Variants in ROBO2 observed in about 807,000 individuals in gnomAD.
ROBO2 encodes the protein roundabout homolog 2.
A neutral mutation model predicts 160.8 loss-of-function variants in ROBO2; 53 were observed. That is an observed-to-expected ratio of 0.33 (90% confidence interval 0.26 to 0.41). The LOEUF is 0.41. ROBO2 is among the 10% of genes least tolerant of loss of function. The pLI is 1.00. For synonymous variants in ROBO2, 664 were observed against 611.7 expected, an observed-to-expected ratio of 1.09 and a Z score of -1.26; for missense variants, 1,577 against 1,722.4, an observed-to-expected ratio of 0.92 and a Z score of 1.49.
intron 2 of ROBO2, among the ~76,000 whole-genome samples, chr3:77,457,811 G>T (rs574182067): frequency 1.3e-5 from 2 of 151,930 alleles, no homozygotes; most frequent in South Asian, 2.1e-4. Flanking sequence ...AATAGTATTT[G>T]TTAAATATTA....
chr3:76,145,413 C>T (rs1167300271), intron 2 of ROBO2, among the ~76,000 whole-genome samples: 1 of 151,882 alleles, frequency 6.6e-6, no homozygotes, highest in African/African-American at 2.4e-5. Flanking sequence ...ACATATTTTC[C>T]AGATATGCAA....
chr3:76,720,883 C>A (rs2093454740), intron 2 of ROBO2, among the ~76,000 whole-genome samples: 1 of 152,154 alleles, frequency 6.6e-6, no homozygotes, highest in South Asian at 2.1e-4. Flanking sequence ...GCACAACAAT[C>A]AAATTCTGAT....
chr3:77,107,998 G>A (rs931157568), intron 2 of ROBO2, among the ~76,000 whole-genome samples: 3 of 151,392 alleles, frequency 2.0e-5, no homozygotes, highest in African/African-American at 7.3e-5. Flanking sequence ...ATATATATGT[G>A]TGTGTGTGCA....
chr3:77,605,011 C>T, intron 20 of ROBO2, among the ~76,000 whole-genome samples: 1 of 151,260 alleles, frequency 6.6e-6, no homozygotes. Context: ...GAAAAAAATA[C>T]AAAAATTAGC....
chr3:76,452,707 G>A (rs1273904376), intron 2 of ROBO2, among the ~76,000 whole-genome samples: 5 of 152,188 alleles, frequency 3.3e-5, no homozygotes, highest in Non-Finnish European at 5.9e-5. Context: ...GGATGGCTGG[G>A]TCAAATGGTA....
At chr3:75,927,976 C>CTCT (rs1559758218) in intron 1 of ROBO2, among the ~76,000 whole-genome samples, 1 of 104,002 alleles carries the variant, frequency 9.6e-6, no homozygotes, top group Non-Finnish European at 1.8e-5. Context: ...GATTTTCTCT[C>CTCT]TTTTTTTTTT....
intron 2 of ROBO2, among the ~76,000 whole-genome samples, chr3:77,172,899 A>G (rs1214772562): frequency 2.0e-5 from 3 of 152,236 alleles, no homozygotes; most frequent in East Asian, 1.9e-4. Context: ...CATCAGTCCT[A>G]GAATTGTGAC....
At chr3:77,167,597 TAA>T (rs1316017872) in intron 2 of ROBO2, among the ~76,000 whole-genome samples, 7 of 152,226 alleles carry the variant, frequency 4.6e-5, no homozygotes, top group Non-Finnish European at 7.3e-5. Flanking sequence ...CATAAATATA[TAA>T]GTCTTTTTCT....
At chr3:76,546,809 A>G (rs1295710676) in intron 2 of ROBO2, among the ~76,000 whole-genome samples, 2 of 151,676 alleles carry the variant, frequency 1.3e-5, no homozygotes, top group African/African-American at 2.4e-5. Flanking sequence ...TAAGTCTAAC[A>G]CTTGATTTTT....
chr3:77,514,149 ATAT>A (rs1432812171), intron 5 of ROBO2, among the ~76,000 whole-genome samples: 1 of 151,706 alleles, frequency 6.6e-6, no homozygotes, highest in Admixed American at 6.6e-5. Flanking sequence ...ATATAATATA[ATAT>A]TATACCATGT....
intron 2 of ROBO2, among the ~76,000 whole-genome samples, chr3:76,033,677 A>G (rs567936042): frequency 6.6e-6 from 1 of 152,302 alleles, no homozygotes; most frequent in Admixed American, 6.5e-5. Flanking sequence ...AGACAGCAAT[A>G]TGGGCAGGAT....
chr3:77,354,651 C>A (rs1261537750), intron 2 of ROBO2, among the ~76,000 whole-genome samples: 1 of 152,132 alleles, frequency 6.6e-6, no homozygotes, highest in Non-Finnish European at 1.5e-5. Context: ...ATCAGAATCC[C>A]TGGAAACAAC....
chr3:77,511,427 T>C (rs2089382414), intron 5 of ROBO2, among the ~76,000 whole-genome samples: 1 of 152,022 alleles, frequency 6.6e-6, no homozygotes, highest in African/African-American at 2.4e-5. Flanking sequence ...CCCAAATTCC[T>C]TGGCATCGGT....
At position 76,099,340 on chromosome 3, in the gene ROBO2, C is replaced by T. The variant is rs112687042; in HGVS notation, c.109+161738C>T. The stretch of plus-strand genomic sequence containing the variant: ...GTCCTTGTAGTGTCTCTGTGGACTC[C>T]TTGACTTCTAAGCACCCATTATGTT... On this transcript the variant is annotated intron_variant, in intron 2 of 26. Transcript: ENST00000487694. Among the ~76,000 whole-genome samples, 156 of 151,696 alleles carry T rather than the reference C, an allele frequency of 1.0e-3. 1 individual carries two copies. Among genetic ancestry groups the T allele is most frequent in the African/African-American group, 3.5e-3 (145 of 41,358 alleles).
At chr3:77,064,441 A>G (rs2066636918) in intron 1 of ROBO2, among the ~76,000 whole-genome samples, 1 of 151,620 alleles carries the variant, frequency 6.6e-6, no homozygotes, top group African/African-American at 2.4e-5. Context: ...GCTCACTGAA[A>G]CATCCGCCTC....
chr3:77,064,578 C>G (rs1227083937), intron 1 of ROBO2, among the ~76,000 whole-genome samples: 1 of 144,776 alleles, frequency 6.9e-6, no homozygotes, highest in Non-Finnish European at 1.5e-5. Flanking sequence ...CCCGGCTGGT[C>G]TTGAACTCCT....
intron 2 of ROBO2, among the ~76,000 whole-genome samples, chr3:76,610,199 A>G (rs2087984674): frequency 6.6e-6 from 1 of 152,194 alleles, no homozygotes; most frequent in South Asian, 2.1e-4. Flanking sequence ...TGGTATCAAG[A>G]TAATACTAGC....
rs186261211 is a variant in ROBO2 at position 76,031,094 on chromosome 3, A to G, written c.109+93492A>G. Among the ~76,000 whole-genome samples the G allele has an allele frequency of 3.9e-5, 6 of 152,100 alleles. No individual in the cohort carries two copies. The East Asian group carries it at 1.2e-3, about 29-fold the overall frequency. ...AAGAGGTCCTTCACATCCCTTGTGA[A>G]TTGGATTCTTAGGTATTTTATTCTC... On this transcript the variant is annotated intron_variant, in intron 2 of 26. Transcript: ENST00000487694.
intron 1 of ROBO2, among the ~76,000 whole-genome samples, chr3:75,911,011 T>G (rs935650077): frequency 1.3e-5 from 2 of 151,912 alleles, no homozygotes; most frequent in African/African-American, 4.8e-5. Context: ...TAAGCTATAT[T>G]GTAGATATGG....
Sources: gnomAD v4.1 joint callset for allele counts (sites outside exome capture counted in the v4.1 genomes callset) on GRCh38, gnomAD v4.1.1 for gene constraint, MANE v1.5 for transcripts, NCBI Gene and HGNC (gene_info 2026-07-23, HGNC 2026-07-21) for gene names.